The following ST6GAL1 variants were observed in gnomAD, a reference collection of about 807,000 sequenced individuals.
ST6GAL1 encodes the protein ST6 beta-galactoside alpha-2,6-sialyltransferase 1.
A neutral mutation model predicts 38.0 loss-of-function variants in ST6GAL1; 20 were observed. The ratio of observed to expected loss-of-function variants is 0.53; its 90% CI spans 0.37 to 0.77. The LOEUF (loss-of-function observed/expected upper bound fraction) is 0.77. Among genes scored for constraint, ST6GAL1 ranks in the 30% least tolerant of loss-of-function variants. The pLI is 0.00. For synonymous variants in ST6GAL1, 196 were observed against 188.2 expected, an observed-to-expected ratio of 1.04 and a Z score of -0.34; for missense variants, 432 against 496.4, an observed-to-expected ratio of 0.87 and a Z score of 1.23.
chr3:186,955,196 G>C (rs1714707085), intron 1 of ST6GAL1, among the ~76,000 whole-genome samples: 1 of 152,206 alleles, frequency 6.6e-6, no homozygotes. Context: ...CTGTGTGTCT[G>C]TTTCTGTACT....
At chr3:186,999,119 C>G (rs1716519985) in intron 2 of ST6GAL1, among the ~76,000 whole-genome samples, 1 of 152,218 alleles carries the variant, frequency 6.6e-6, no homozygotes, top group Non-Finnish European at 1.5e-5. Flanking sequence ...GTGGAGGCAG[C>G]TGGCCCTGGG....
At position 187,050,534 on chromosome 3, in the gene ST6GAL1, AAGAG is replaced by A. The variant is rs147505225; in HGVS notation, c.608-692_608-689del. Among the ~76,000 whole-genome samples the A allele has an allele frequency of 2.3e-3, 202 of 87,834 alleles. 1 individual carries two copies. Among genetic ancestry groups the A allele is most frequent in the East Asian group, 0.019 (44 of 2,338 alleles). 57.6% of individuals were successfully genotyped at this position (87,834 alleles called of 152,430 possible). A position where few individuals can be genotyped will look rare whatever the true frequency, so the allele number is the denominator to read the frequency against. On this transcript the variant is annotated intron_variant, in intron 4 of 7. Transcript: ENST00000169298. ...TGTTTCTGACAATGGCTTACAAAGAAAGAGAGAGAGAGAGAGAGAGAGAGAGGGA... is the reference window on the plus strand; with the variant it reads ...TGTTTCTGACAATGGCTTACAAAGAAAGAGAGAGAGAGAGAGAGAGAGGGA...
At chr3:187,014,396 G>C (rs1717056442) in intron 2 of ST6GAL1, among the ~76,000 whole-genome samples, 1 of 152,158 alleles carries the variant, frequency 6.6e-6, no homozygotes, top group African/African-American at 2.4e-5. Context: ...CCACCGTTTT[G>C]AGCTCCCAGT....
intron 2 of ST6GAL1, among the ~76,000 whole-genome samples, chr3:187,033,402 C>A (rs574843607): frequency 6.6e-6 from 1 of 152,252 alleles, no homozygotes; most frequent in African/African-American, 2.4e-5. Flanking sequence ...GAGAGAGACA[C>A]CATCTCAAAA....
At chr3:187,063,360 A>C (rs1265721970) in intron 5 of ST6GAL1, among the ~76,000 whole-genome samples, 1 of 152,240 alleles carries the variant, frequency 6.6e-6, no homozygotes, top group Non-Finnish European at 1.5e-5. Context: ...TGCAAGGCCA[A>C]GTCAGAAGGA....
In ST6GAL1 at chr3:187,042,724, G is replaced by A. The variant is rs1461823903; in HGVS notation, c.21G>A (p.Lys7=). The A allele has an allele frequency of 6.2e-7, 1 of 1,612,014 alleles. No homozygotes were observed. Among genetic ancestry groups the A allele is most frequent in the Non-Finnish European group, 8.5e-7 (1 of 1,179,016 alleles). Residue 7 remains lysine, a synonymous_variant, in exon 4 of 8, where the codon AAG becomes AAA. Coordinates refer to ENST00000169298, the MANE Select transcript of ST6GAL1 (RefSeq NM_173216.2). MIHTNL[K]KKFSCCVLVF... The stretch of plus-strand genomic sequence containing the variant: ...TCATTATGATTCACACCAACCTGAA[G>A]AAAAAGTTCAGCTGCTGCGTCCTGG...
intron 5 of ST6GAL1, among the ~76,000 whole-genome samples, chr3:187,067,092 TTTTTTTTTTTTTTTTG>T (rs1437494325): frequency 0.023 from 2,214 of 94,872 alleles, 88 homozygotes; most frequent in African/African-American, 0.1. Flanking sequence ...TTTTTTTTTT[TTTTTTTTTTTTTTTTG>T]GAGACAGAGT....
At chr3:187,000,803 G>T (rs534405524) in intron 2 of ST6GAL1, among the ~76,000 whole-genome samples, 1 of 152,076 alleles carries the variant, frequency 6.6e-6, no homozygotes, top group African/African-American at 2.4e-5. Context: ...AGGTATTTTC[G>T]TAAGGTTTCA....
intron 2 of ST6GAL1, among the ~76,000 whole-genome samples, chr3:187,026,921 C>T (rs1717558995): frequency 6.6e-6 from 1 of 151,926 alleles, no homozygotes; most frequent in South Asian, 2.1e-4. Context: ...TGGTGGCGGG[C>T]ACCTGTAGTC....
chr3:186,991,793 G>A (rs1716177729), intron 2 of ST6GAL1, among the ~76,000 whole-genome samples: 1 of 152,126 alleles, frequency 6.6e-6, no homozygotes, highest in African/African-American at 2.4e-5. Context: ...TGGAGATGTT[G>A]AGCTTGTGGG....
intron 2 of ST6GAL1, among the ~76,000 whole-genome samples, chr3:186,972,605 G>A (rs1350219248): frequency 2.0e-5 from 3 of 151,994 alleles, no homozygotes; most frequent in African/African-American, 7.2e-5. Context: ...ACCTCATGTG[G>A]CACACACATG....
At chr3:187,029,252 G>C (rs571087502) in intron 2 of ST6GAL1, among the ~76,000 whole-genome samples, 3 of 152,122 alleles carry the variant, frequency 2.0e-5, no homozygotes, top group African/African-American at 7.2e-5. Context: ...AAGAGCAGCA[G>C]CGTGTCTATA....
At position 186,941,813 on chromosome 3, in the gene ST6GAL1, C is replaced by T. The variant is rs144613445; in HGVS notation, c.-325+10979C>T. Among the ~76,000 whole-genome samples, 805 of 152,098 alleles carry T rather than the reference C, an allele frequency of 5.3e-3. 5 individuals are homozygous for T. Among genetic ancestry groups the T allele is most frequent in the Non-Finnish European group, 7.5e-3 (510 of 67,992 alleles). ...GGATCATGAGGTCAGGAGATAGAGA[C>T]CATCCTAGCTAACACAGTGAAACCC... On this transcript the variant is annotated intron_variant, in intron 1 of 7. Transcript: ENST00000169298.
At chr3:186,974,708 AT>A (rs1438467600) in intron 2 of ST6GAL1, among the ~76,000 whole-genome samples, 1 of 135,546 alleles carries the variant, frequency 7.4e-6, no homozygotes, top group African/African-American at 2.8e-5. Flanking sequence ...TTCAATTAGT[AT>A]TTACTGAGAG....
At chr3:186,959,845 C>T (rs1185592405) in intron 1 of ST6GAL1, among the ~76,000 whole-genome samples, 2 of 152,198 alleles carry the variant, frequency 1.3e-5, no homozygotes, top group African/African-American at 2.4e-5. Flanking sequence ...TAATCAAAAC[C>T]ATTGCTCACA....
Position 187,056,567 on chromosome 3 carries a change from G to A in ST6GAL1, c.705+5221G>A, listed in dbSNP as rs937388819. Among the ~76,000 whole-genome samples, 3 of 152,138 alleles carry A rather than the reference G, an allele frequency of 2.0e-5. 1 individual carries two copies. The highest frequency in any genetic ancestry group is 4.4e-5 in the Non-Finnish European group (3 of 68,046). ...ATTTCTCCTTCACATATGAAGGTTA[G>A]TTTGGCTGGACATGAAATTCTGGGT... On this transcript the variant is annotated intron_variant, in intron 5 of 7. Transcript: ENST00000169298.
At chr3:187,029,021 G>A (rs1403433638) in intron 2 of ST6GAL1, among the ~76,000 whole-genome samples, 1 of 146,708 alleles carries the variant, frequency 6.8e-6, no homozygotes. Context: ...GGGAGGTGGA[G>A]GTTGCGGTGA....
At chr3:187,013,993 CTT>C (rs968015502) in intron 2 of ST6GAL1, among the ~76,000 whole-genome samples, 6 of 152,204 alleles carry the variant, frequency 3.9e-5, no homozygotes, top group Non-Finnish European at 7.3e-5. Context: ...AAAATGAAGA[CTT>C]TTCACACCCA....
chr3:186,978,809 C>T (rs551714935), intron 2 of ST6GAL1, among the ~76,000 whole-genome samples: 11 of 152,178 alleles, frequency 7.2e-5, no homozygotes, highest in Admixed American at 3.9e-4. Flanking sequence ...AGCCCTTATA[C>T]CCTGTCCCAC....
Sources: gnomAD v4.1 joint callset for allele counts (sites outside exome capture counted in the v4.1 genomes callset) on GRCh38, gnomAD v4.1.1 for gene constraint, MANE v1.5 for transcripts, NCBI Gene and HGNC (gene_info 2026-07-23, HGNC 2026-07-21) for gene names.